ZNF423: variants seen among roughly 807,000 people sequenced by gnomAD.
ZNF423 encodes the protein Ebf-associated zinc finger protein.
Under a neutral mutation model 95.8 loss-of-function variants are expected in ZNF423, and 12 were observed. That is an observed-to-expected ratio of 0.13 (90% CI 0.08 to 0.20). The LOEUF is 0.20. Among genes scored for constraint, ZNF423 ranks in the 10% least tolerant of loss-of-function variants. The pLI is 1.00. For missense variants in ZNF423, 1,316 were observed against 1,737.1 expected (o/e 0.76, Z 4.31); for synonymous variants, 749 against 711.9 (o/e 1.05, Z -0.83).
At chr16:49,841,027 T>C (rs942946717) in intron 1 of ZNF423, among the ~76,000 whole-genome samples, 3 of 152,216 alleles carry the variant, frequency 2.0e-5, no homozygotes, top group African/African-American at 4.8e-5. Context: ...CCCCAGCAAA[T>C]GACAGGCTAA....
At chr16:49,495,269 C>T (rs1967116437) in intron 7 of ZNF423, among the ~76,000 whole-genome samples, 2 of 152,288 alleles carry the variant, frequency 1.3e-5, no homozygotes, top group South Asian at 2.1e-4. Context: ...GTTTCTGGTA[C>T]AGCCTGTTTT....
At chr16:49,516,765 G>T (rs1968162690) in intron 7 of ZNF423, among the ~76,000 whole-genome samples, 1 of 152,182 alleles carries the variant, frequency 6.6e-6, no homozygotes, top group Non-Finnish European at 1.5e-5. Flanking sequence ...TGTATCATAT[G>T]ATCCTACCCC....
At chr16:49,582,047 A>ACTCTGTC (rs1482011257) in intron 5 of ZNF423, among the ~76,000 whole-genome samples, 1 of 152,018 alleles carries the variant, frequency 6.6e-6, no homozygotes, top group Non-Finnish European at 1.5e-5. Flanking sequence ...AGTTGCACCT[A>ACTCTGTC]CTCTGTCTGC....
chr16:49,858,753 C>A (rs1235641940), upstream of ZNF423, among the ~76,000 whole-genome samples: 2 of 149,942 alleles, frequency 1.3e-5, no homozygotes, highest in Non-Finnish European at 3.0e-5. The surrounding 1 kb of genome is among the most constrained non-coding windows in gnomAD (Gnocchi z 4.3). Context: ...CAGGGATGGA[C>A]GGAGTTGGGC....
intron 2 of ZNF423, among the ~76,000 whole-genome samples, chr16:49,776,851 C>A (rs1156614268): frequency 6.6e-6 from 1 of 152,216 alleles, no homozygotes; most frequent in Non-Finnish European, 1.5e-5. Flanking sequence ...AGCAAGGAGA[C>A]AATCTGGACA....
intron 2 of ZNF423, among the ~76,000 whole-genome samples, chr16:49,754,024 T>A (rs1247761683): frequency 7.5e-6 from 1 of 133,870 alleles, no homozygotes; most frequent in Admixed American, 7.9e-5. Context: ...AGAGCAAGAC[T>A]CCGTCAAAAA....
intron 3 of ZNF423, among the ~76,000 whole-genome samples, chr16:49,674,808 C>T (rs922088598): frequency 7.2e-5 from 11 of 152,134 alleles, no homozygotes; most frequent in Non-Finnish European, 8.8e-5. Context: ...AGATTTTCTT[C>T]GGTGACTACA....
At chr16:49,604,439 T>A (rs557211618) in intron 5 of ZNF423, among the ~76,000 whole-genome samples, 1 of 151,922 alleles carries the variant, frequency 6.6e-6, no homozygotes, top group Admixed American at 6.6e-5. Flanking sequence ...CCCCATCTAG[T>A]TGGCCCACGG....
intron 2 of ZNF423, among the ~76,000 whole-genome samples, chr16:49,778,034 G>A (rs1466545891): frequency 6.6e-6 from 1 of 152,202 alleles, no homozygotes; most frequent in Non-Finnish European, 1.5e-5. Context: ...GACTAAGCAT[G>A]AGTCTGATGT....
At chr16:49,516,533 T>G (rs940286279) in intron 7 of ZNF423, among the ~76,000 whole-genome samples, 4 of 152,190 alleles carry the variant, frequency 2.6e-5, no homozygotes, top group African/African-American at 4.8e-5. Flanking sequence ...GGCTGGTGCA[T>G]GACAGAGCAA....
intron 2 of ZNF423, among the ~76,000 whole-genome samples, chr16:49,754,405 G>C (rs1012890984): frequency 2.0e-5 from 3 of 152,200 alleles, no homozygotes; most frequent in Non-Finnish European, 4.4e-5. Flanking sequence ...TAGGCACTCA[G>C]TAAGTGCTCA....
At chr16:49,651,706 T>A (rs113854380) in intron 3 of ZNF423, among the ~76,000 whole-genome samples, 2,540 of 152,296 alleles carry the variant, frequency 0.017, 67 homozygotes, top group African/African-American at 0.057. Flanking sequence ...TCAGTGAATA[T>A]CTGTAAGGCG....
chr16:49,850,970 G>C (rs940634421), intron 1 of ZNF423, among the ~76,000 whole-genome samples: 4 of 152,130 alleles, frequency 2.6e-5, no homozygotes, highest in Non-Finnish European at 5.9e-5. Context: ...GGAGGAGTGG[G>C]AGCAAGAACT....
intron 1 of ZNF423, chr16:49,854,993 C>A (rs1349598187): frequency 2.0e-6 from 2 of 984,826 alleles, no homozygotes; most frequent in Admixed American, 6.2e-5. Flanking sequence ...GGGCGCGCAC[C>A]GCGGCCGCTG....
chr16:49,725,504 C>T (rs984275078), intron 3 of ZNF423, among the ~76,000 whole-genome samples: 9 of 152,186 alleles, frequency 5.9e-5, no homozygotes, highest in Admixed American at 3.3e-4. Context: ...TCTACTCTAG[C>T]GCTGGGCTAG....
At chr16:49,785,620 A>G (rs2034298062) in intron 2 of ZNF423, among the ~76,000 whole-genome samples, 1 of 152,216 alleles carries the variant, frequency 6.6e-6, no homozygotes, top group Non-Finnish European at 1.5e-5. Context: ...ACCTCTGAAG[A>G]TCTGGCAACT....
At chr16:49,622,341 C>T (rs988449162) in intron 5 of ZNF423, among the ~76,000 whole-genome samples, 2 of 151,966 alleles carry the variant, frequency 1.3e-5, no homozygotes, top group African/African-American at 4.8e-5. Context: ...CATGGCTCAC[C>T]CCAACCCCCT....
chr16:49,822,735 T>C (rs2034960350), intron 1 of ZNF423: 2 of 1,599,756 alleles, frequency 1.3e-6, no homozygotes, highest in Non-Finnish European at 1.7e-6. Flanking sequence ...TCCAGGAAGT[T>C]TTCCTGGGGG....
chr16:49,816,671 C>T (rs1344310152), intron 1 of ZNF423, among the ~76,000 whole-genome samples: 1 of 152,120 alleles, frequency 6.6e-6, no homozygotes, highest in Non-Finnish European at 1.5e-5. Flanking sequence ...GTAGTCCCAG[C>T]TACTGGGGAG....
Sources: allele counts gnomAD v4.1 joint callset (sites outside exome capture counted in the v4.1 genomes callset), GRCh38; gene constraint gnomAD v4.1.1; non-coding constraint Gnocchi (gnomAD v3.1); transcripts MANE v1.5; gene names NCBI Gene and HGNC (gene_info 2026-07-23, HGNC 2026-07-21).